The following ZFAND3 variants were observed in gnomAD, a reference collection of about 807,000 sequenced individuals.
ZFAND3 encodes zinc finger AN1-type containing 3.
ZFAND3 carries 10 observed loss-of-function variants against 29.6 expected under a neutral mutation model. The observed-to-expected ratio is 0.34, with a 90% CI of 0.21 to 0.57. The LOEUF is 0.57. ZFAND3 is among the 20% of genes least tolerant of loss of function. The probability of loss-of-function intolerance (pLI) is 0.86; values close to 1 mark genes in which losing one functional copy is unlikely to be tolerated. For synonymous variants in ZFAND3, 128 were observed against 112.6 expected (o/e 1.14, Z -0.87); for missense variants, 230 against 304.5 (o/e 0.76, Z 1.82).
At chr6:37,867,969 A>G (rs1431893638) in intron 1 of ZFAND3, among the ~76,000 whole-genome samples, 1 of 152,164 alleles carries the variant, frequency 6.6e-6, no homozygotes, top group Non-Finnish European at 1.5e-5. Flanking sequence ...TTTTTGTTTC[A>G]CATTTAAACA....
chr6:37,945,702 G>A (rs182016742), intron 2 of ZFAND3, among the ~76,000 whole-genome samples: 1 of 152,240 alleles, frequency 6.6e-6, no homozygotes, highest in Non-Finnish European at 1.5e-5. Flanking sequence ...GTTATCAGTG[G>A]TAATTTATTT....
chr6:37,998,464 A>G (rs768987747), intron 2 of ZFAND3, among the ~76,000 whole-genome samples: 7 of 151,972 alleles, frequency 4.6e-5, no homozygotes, highest in Non-Finnish European at 1.0e-4. Context: ...AATGTTTAGG[A>G]GATCCCAGGA....
chr6:37,829,911 T>C (rs538626581), intron 1 of ZFAND3, among the ~76,000 whole-genome samples: 1 of 152,350 alleles, frequency 6.6e-6, no homozygotes, highest in Admixed American at 6.5e-5. Context: ...TACTGCACTC[T>C]TGTATAGTAG....
intron 1 of ZFAND3, among the ~76,000 whole-genome samples, chr6:37,894,807 G>A (rs577802936): frequency 2.0e-5 from 3 of 152,296 alleles, no homozygotes; most frequent in African/African-American, 7.2e-5. Flanking sequence ...TTTTCTGTCA[G>A]TATCCTAAAG....
At chr6:37,969,101 A>C (rs746068505) in intron 2 of ZFAND3, among the ~76,000 whole-genome samples, 3 of 152,204 alleles carry the variant, frequency 2.0e-5, no homozygotes, top group Non-Finnish European at 2.9e-5. Flanking sequence ...TGAATACTAC[A>C]GGCATTTGAA....
intron 2 of ZFAND3, among the ~76,000 whole-genome samples, chr6:38,046,857 C>T (rs576700959): frequency 2.6e-5 from 4 of 152,252 alleles, no homozygotes; most frequent in Admixed American, 2.6e-4. Flanking sequence ...GGTTTTATGG[C>T]ATTCATACAC....
chr6:38,008,080 T>A (rs147153462), intron 2 of ZFAND3, among the ~76,000 whole-genome samples: 2 of 152,322 alleles, frequency 1.3e-5, no homozygotes, highest in African/African-American at 4.8e-5. Context: ...AGGTTTAAGA[T>A]ACTGATTTAG....
chr6:38,054,658 T>A (rs894497892), intron 2 of ZFAND3, among the ~76,000 whole-genome samples: 1 of 152,156 alleles, frequency 6.6e-6, no homozygotes, highest in Non-Finnish European at 1.5e-5. Flanking sequence ...TAGAAGATAA[T>A]ATTCATGAAA....
chr6:38,124,054 T>C (rs908397799), intron 5 of ZFAND3, among the ~76,000 whole-genome samples: 12 of 152,326 alleles, frequency 7.9e-5, no homozygotes, highest in African/African-American at 2.9e-4. Context: ...CCAGTTGTTT[T>C]GACAGGCTGC....
chr6:38,022,253 T>G (rs1456513817), intron 2 of ZFAND3, among the ~76,000 whole-genome samples: 5 of 152,240 alleles, frequency 3.3e-5, no homozygotes, highest in Admixed American at 3.3e-4. Context: ...CCTGCTTTTC[T>G]AAAATCAGCA....
intron 4 of ZFAND3, among the ~76,000 whole-genome samples, chr6:38,104,589 T>C (rs1765171850): frequency 6.6e-6 from 1 of 152,066 alleles, no homozygotes; most frequent in South Asian, 2.1e-4. Flanking sequence ...AAGAAGATAA[T>C]GAATAAATTA....
intron 1 of ZFAND3, among the ~76,000 whole-genome samples, chr6:37,836,752 A>G (rs1362062418): frequency 1.3e-5 from 2 of 152,156 alleles, no homozygotes; most frequent in East Asian, 1.9e-4. Flanking sequence ...TTTCACTTCT[A>G]TTAACACTTC....
chr6:37,873,339 T>C (rs1175169171), intron 1 of ZFAND3, among the ~76,000 whole-genome samples: 1 of 152,220 alleles, frequency 6.6e-6, no homozygotes, highest in East Asian at 1.9e-4. Context: ...TTCTGTGTGC[T>C]ACCCCCTAGG....
intron 2 of ZFAND3, among the ~76,000 whole-genome samples, chr6:38,046,388 C>T (rs749996367): frequency 7.9e-5 from 12 of 152,136 alleles, no homozygotes; most frequent in East Asian, 3.8e-4. Context: ...CTGCCTCTTC[C>T]GCTGTTCCAT....
chr6:37,939,350 T>A (rs1761768479), intron 2 of ZFAND3, among the ~76,000 whole-genome samples: 1 of 152,208 alleles, frequency 6.6e-6, no homozygotes, highest in Non-Finnish European at 1.5e-5. Context: ...CTCTGCTTCA[T>A]CCACATGGCC....
intron 1 of ZFAND3, among the ~76,000 whole-genome samples, chr6:37,872,740 G>T (rs1206498483): frequency 6.6e-6 from 1 of 152,184 alleles, no homozygotes; most frequent in East Asian, 1.9e-4. Flanking sequence ...GTATTTCATT[G>T]TGTGAATTTA....
At chr6:38,118,225 G>T (rs1328064692) in intron 5 of ZFAND3, among the ~76,000 whole-genome samples, 1 of 152,160 alleles carries the variant, frequency 6.6e-6, no homozygotes, top group African/African-American at 2.4e-5. Context: ...ACCCTGCCAG[G>T]CAATTTTAAA....
At chr6:38,024,208 C>CA (rs1763403119) in intron 2 of ZFAND3, among the ~76,000 whole-genome samples, 2 of 152,100 alleles carry the variant, frequency 1.3e-5, no homozygotes, top group South Asian at 4.1e-4. Context: ...TGTGGGGGCT[C>CA]ACGTCTGTAA....
chr6:37,854,676 T>G lies in ZFAND3; in HGVS notation c.71+34660T>G, dbSNP rs538770829. On this transcript the variant is annotated intron_variant, in intron 1 of 5. Transcript: ENST00000287218. ...TTTTATAGATGAGGAAACAAGTACC[T>G]TATCTGAAATCAGGCAACCATGTTT... 3.9e-5 allele frequency among the ~76,000 whole-genome samples: 6 copies of G among 152,244 alleles called. No homozygotes were observed. In the East Asian group the frequency reaches 7.7e-4, roughly 20 times the overall value.
Sources: allele counts gnomAD v4.1 joint callset (sites outside exome capture counted in the v4.1 genomes callset), GRCh38; gene constraint gnomAD v4.1.1; transcripts MANE v1.5; gene names NCBI Gene and HGNC (gene_info 2026-07-23, HGNC 2026-07-21).